The following DLC1 variants were observed in gnomAD, a reference collection of about 807,000 sequenced individuals.
DLC1 encodes the protein DLC1 Rho GTPase activating protein.
Under a neutral mutation model 140.3 loss-of-function variants are expected in DLC1, and 54 were observed. The ratio of observed to expected loss-of-function variants is 0.38; its 90% CI spans 0.31 to 0.48. The LOEUF is 0.48. DLC1 is among the 20% of genes least tolerant of loss of function. DLC1 has a pLI of 0.96. For synonymous variants in DLC1, 986 were observed against 728.1 expected (o/e 1.35, Z -5.70); for missense variants, 2,536 against 1,907.0 (o/e 1.33, Z -6.14).
At chr8:13,601,788 C>T (rs141723680) in intron 1 of DLC1, among the ~76,000 whole-genome samples, 1 of 151,786 alleles carries the variant, frequency 6.6e-6, no homozygotes, top group African/African-American at 2.4e-5. Flanking sequence ...CTAGAAAATG[C>T]AATCATATAT....
chr8:13,571,963 C>T, intron 1 of DLC1, among the ~76,000 whole-genome samples: 1 of 152,082 alleles, frequency 6.6e-6, no homozygotes, highest in Non-Finnish European at 1.5e-5. Context: ...CCTAATGATG[C>T]TAAACAGTTT....
chr8:13,554,035 C>G (rs1803958163), intron 1 of DLC1, among the ~76,000 whole-genome samples: 2 of 152,058 alleles, frequency 1.3e-5, no homozygotes, highest in South Asian at 4.1e-4. Flanking sequence ...TTGTCATTTC[C>G]TCCCATGGCT....
chr8:13,524,417 C>T (rs530008728), intron 1 of DLC1, among the ~76,000 whole-genome samples: 4 of 152,096 alleles, frequency 2.6e-5, no homozygotes, highest in East Asian at 3.9e-4. Flanking sequence ...GTATTACAGG[C>T]GTGAGCTATC....
At chr8:13,305,001 G>T in intron 5 of DLC1, 1 of 1,091,536 alleles carries the variant, frequency 9.2e-7, no homozygotes, top group Non-Finnish European at 1.1e-6. Context: ...TAATTCTTTT[G>T]CTTAAGAAAA....
intron 5 of DLC1, among the ~76,000 whole-genome samples, chr8:13,173,611 C>G (rs1280004973): frequency 6.6e-6 from 1 of 152,186 alleles, no homozygotes; most frequent in African/African-American, 2.4e-5. Flanking sequence ...ACCTCATAAT[C>G]CGCCCACCTT....
chr8:13,185,045 T>C (rs1340713174), intron 5 of DLC1, among the ~76,000 whole-genome samples: 1 of 152,078 alleles, frequency 6.6e-6, no homozygotes, highest in Non-Finnish European at 1.5e-5. Context: ...CCCTTTACCA[T>C]TGTGTAATGG....
intron 2 of DLC1, among the ~76,000 whole-genome samples, chr8:13,413,571 C>T (rs1050042652): frequency 8.6e-5 from 13 of 151,576 alleles, no homozygotes; most frequent in African/African-American, 2.9e-4. Context: ...GGCTTTGTGC[C>T]CCACCCAAAT....
chr8:13,292,674 G>C lies in DLC1; in HGVS notation c.1348+12595C>G, dbSNP rs4406398. Among the ~76,000 whole-genome samples the C allele has an allele frequency of 5.3e-5, 8 of 152,114 alleles. No individual in the cohort carries two copies. In the East Asian group the frequency reaches 1.5e-3, roughly 29 times the overall value. On this transcript the variant is annotated intron_variant, in intron 5 of 17. Transcript: ENST00000276297. ...CATGCTCCCCACGTCCTACGTACAA[G>C]TGTATTTTTTTAAATAGAAAAATGC...
chr8:13,568,945 G>A (rs907186017), intron 1 of DLC1, among the ~76,000 whole-genome samples: 6 of 152,170 alleles, frequency 3.9e-5, no homozygotes, highest in African/African-American at 1.4e-4. Context: ...GCTGTAAGGG[G>A]AAGAAGAAGT....
intron 5 of DLC1, among the ~76,000 whole-genome samples, chr8:13,164,990 A>G (rs1825004569): frequency 6.6e-6 from 1 of 152,186 alleles, no homozygotes; most frequent in Non-Finnish European, 1.5e-5. Context: ...ATATCAGTGA[A>G]GAAATTGTCA....
intron 5 of DLC1, among the ~76,000 whole-genome samples, chr8:13,179,112 C>A (rs1159187395): frequency 6.6e-6 from 1 of 152,128 alleles, no homozygotes; most frequent in Non-Finnish European, 1.5e-5. Flanking sequence ...CATGCTTCAA[C>A]TTTGCAAAAT....
chr8:13,133,466 CGCA>C, intron 5 of DLC1: 1 of 306,304 alleles, frequency 3.3e-6, no homozygotes, highest in African/African-American at 2.4e-5. Flanking sequence ...TCCTCGTGGC[CGCA>C]GCCTCAGGCC....
At chr8:13,567,335 C>G in intron 1 of DLC1, 2 of 1,551,666 alleles carry the variant, frequency 1.3e-6, no homozygotes, top group Non-Finnish European at 1.7e-6. Flanking sequence ...ACTCGGGTAT[C>G]AGATGAAGAA....
At chr8:13,224,026 T>A (rs1828675851) in intron 5 of DLC1, among the ~76,000 whole-genome samples, 1 of 152,182 alleles carries the variant, frequency 6.6e-6, no homozygotes, top group Non-Finnish European at 1.5e-5. Context: ...AAGATCGCAT[T>A]ATGTAATTTT....
At chr8:13,529,329 T>G (rs1803022912) in intron 1 of DLC1, among the ~76,000 whole-genome samples, 1 of 152,208 alleles carries the variant, frequency 6.6e-6, no homozygotes, top group Non-Finnish European at 1.5e-5. Context: ...TTTCTATAAT[T>G]AGACATGCAT....
chr8:13,510,343 T>C (rs1032666849), intron 1 of DLC1, among the ~76,000 whole-genome samples: 4 of 151,948 alleles, frequency 2.6e-5, no homozygotes, highest in Admixed American at 2.0e-4. Context: ...CTGGCTAAAG[T>C]TTTTTGTATT....
At chr8:13,138,485 T>G (rs950561525) in intron 5 of DLC1, among the ~76,000 whole-genome samples, 10 of 152,244 alleles carry the variant, frequency 6.6e-5, no homozygotes, top group African/African-American at 2.4e-4. Flanking sequence ...CTTTGGAAAT[T>G]GATTTCTCTC....
intron 5 of DLC1, among the ~76,000 whole-genome samples, chr8:13,203,682 T>C (rs550510215): frequency 2.6e-5 from 4 of 152,232 alleles, no homozygotes; most frequent in Non-Finnish European, 5.9e-5. Context: ...GTTGTAAACA[T>C]AGGCTTTTAC....
chr8:13,427,739 C>A (rs773324514), intron 2 of DLC1, among the ~76,000 whole-genome samples: 6 of 152,162 alleles, frequency 3.9e-5, no homozygotes, highest in Non-Finnish European at 8.8e-5. Flanking sequence ...CTATCTTCAC[C>A]CCAAAATGTG....
Sources: allele counts gnomAD v4.1 joint callset (sites outside exome capture counted in the v4.1 genomes callset), GRCh38; gene constraint gnomAD v4.1.1; transcripts MANE v1.5; gene names NCBI Gene and HGNC (gene_info 2026-07-23, HGNC 2026-07-21).